Variants in IGSF5 observed in about 807,000 individuals in gnomAD.
IGSF5 encodes immunoglobulin superfamily 5 like.
Under a neutral mutation model 39.4 loss-of-function variants are expected in IGSF5, and 41 were observed. The ratio of observed to expected loss-of-function variants is 1.04; its 90% CI spans 0.81 to 1.35. IGSF5 has a LOEUF of 1.35. IGSF5 is among the 40% of genes most tolerant of loss of function. The pLI is 0.00. For synonymous variants in IGSF5, 183 were observed against 175.3 expected, an observed-to-expected ratio of 1.04 and a Z score of -0.34; for missense variants, 487 against 494.6, an observed-to-expected ratio of 0.98 and a Z score of 0.15.
chr21:39,746,301 G>C lies in IGSF5; in HGVS notation c.100+3G>C. ...GTGGCAAACAGCAGTGGTGGACGGT[G>C]AGTGAAAGCTCAGCTCGAGCCGTAA... On this transcript the variant is annotated splice_donor_region_variant and intron_variant, in intron 2 of 8. Coordinates refer to ENST00000380588, the MANE Select transcript of IGSF5 (RefSeq NM_001080444.2). 1 of 700,826 alleles carries C rather than the reference G, an allele frequency of 1.4e-6. No individual in the cohort carries two copies. The highest frequency in any genetic ancestry group is 2.6e-6 in the Non-Finnish European group (1 of 384,722). 43.4% of individuals were successfully genotyped at this position (700,826 alleles called of 1,614,324 possible).
At chr21:39,784,235 G>T (rs550516002) in intron 5 of IGSF5, among the ~76,000 whole-genome samples, 1 of 152,294 alleles carries the variant, frequency 6.6e-6, no homozygotes, top group South Asian at 2.1e-4. Flanking sequence ...GGATTTTAAA[G>T]GAAAACCACT....
At chr21:39,795,311 G>A (rs928983218) in intron 8 of IGSF5, among the ~76,000 whole-genome samples, 2 of 152,072 alleles carry the variant, frequency 1.3e-5, no homozygotes, top group African/African-American at 4.8e-5. Context: ...AGTGATTGTT[G>A]GGCTGTGGGG....
At chr21:39,793,396 A>T (rs534902354) in intron 7 of IGSF5, 138 bp from the exon 8 acceptor site, 79 of 585,856 alleles carry the variant, frequency 1.3e-4, no homozygotes, top group African/African-American at 7.0e-4. Flanking sequence ...AAGGGAATTT[A>T]AAAAAAGTGT....
intron 3 of IGSF5, among the ~76,000 whole-genome samples, chr21:39,768,055 A>C (rs1158326640): frequency 6.6e-6 from 1 of 152,238 alleles, no homozygotes; most frequent in African/African-American, 2.4e-5. Context: ...AATTTGTCTG[A>C]ATCCCGCTGA....
chr21:39,774,171 G>A (rs1272231210), intron 4 of IGSF5, among the ~76,000 whole-genome samples: 1 of 152,204 alleles, frequency 6.6e-6, no homozygotes, highest in African/African-American at 2.4e-5. Context: ...CTGGTGGCTG[G>A]CTGCATGTTG....
intron 6 of IGSF5, among the ~76,000 whole-genome samples, 156 bp downstream of exon 6, chr21:39,788,344 GCCGATCACAAACT>G (rs2086936868): frequency 6.6e-6 from 1 of 152,324 alleles, no homozygotes; most frequent in Non-Finnish European, 1.5e-5. Flanking sequence ...AAACACGTAT[GCCGATCACAAACT>G]CATAGGGCAA....
At chr21:39,767,087 G>T (rs898489896) in intron 3 of IGSF5, among the ~76,000 whole-genome samples, 1 of 152,110 alleles carries the variant, frequency 6.6e-6, no homozygotes, top group African/African-American at 2.4e-5. Flanking sequence ...ATTTTATAAG[G>T]CTATTTAGGA....
intron 2 of IGSF5, among the ~76,000 whole-genome samples, chr21:39,757,584 T>TA (rs1383392114): frequency 6.6e-6 from 1 of 151,408 alleles, no homozygotes; most frequent in Non-Finnish European, 1.5e-5. Flanking sequence ...GCATTCTTTT[T>TA]TTTTTTTTTT....
chr21:39,740,401 A>G (rs369241392), upstream of IGSF5, among the ~76,000 whole-genome samples: 15 of 152,350 alleles, frequency 9.8e-5, 1 homozygote, highest in African/African-American at 3.6e-4. Context: ...GTGTTCCCTC[A>G]GAAGTTAGGA....
chr21:39,739,238 CT>C, the IGSF5 span, among the ~76,000 whole-genome samples: 1 of 149,634 alleles, frequency 6.7e-6, no homozygotes, highest in Non-Finnish European at 1.5e-5. Context: ...CCCTCTTTTT[CT>C]TTTTTTCTTC....
In IGSF5 at chr21:39,763,843, C is replaced by T. The variant is rs566229263; in HGVS notation, c.101-1692C>T. ...TTCAGAGTTCATGGAAAGGGCATTG[C>T]GGCTTCCCTGGGGGAACTGTTTTCA... On this transcript the variant is annotated intron_variant, in intron 2 of 8. Transcript: ENST00000380588. Among the ~76,000 whole-genome samples, 4 of 152,260 alleles carry T rather than the reference C, an allele frequency of 2.6e-5. No homozygotes were observed. The South Asian group carries it at 6.2e-4, about 24-fold the overall frequency.
chr21:39,760,853 A>G (rs1481969811), intron 2 of IGSF5, among the ~76,000 whole-genome samples: 5 of 152,194 alleles, frequency 3.3e-5, no homozygotes, highest in Admixed American at 6.5e-5. Context: ...TACAGGCATG[A>G]GCCACCTTAC....
chr21:39,786,990 G>A (rs938748980), intron 5 of IGSF5, among the ~76,000 whole-genome samples: 1 of 152,140 alleles, frequency 6.6e-6, no homozygotes, highest in African/African-American at 2.4e-5. Flanking sequence ...GATAGCACTG[G>A]GAGATATACC....
At chr21:39,772,470 G>A (rs1221787502) in intron 4 of IGSF5, among the ~76,000 whole-genome samples, 1 of 152,192 alleles carries the variant, frequency 6.6e-6, no homozygotes, top group Non-Finnish European at 1.5e-5. Context: ...CAGTCCTGGA[G>A]GTTGGAAGTG....
At chr21:39,755,026 G>T (rs1287611049) in intron 2 of IGSF5, among the ~76,000 whole-genome samples, 1 of 152,184 alleles carries the variant, frequency 6.6e-6, no homozygotes, top group Non-Finnish European at 1.5e-5. Context: ...GGTGTTGGCA[G>T]AATGGAGTGT....
the IGSF5 span, among the ~76,000 whole-genome samples, chr21:39,720,551 C>T: frequency 6.6e-6 from 1 of 152,130 alleles, no homozygotes; most frequent in Non-Finnish European, 1.5e-5. Context: ...GGAAACTTGA[C>T]CAGTACTGCT....
the IGSF5 span, among the ~76,000 whole-genome samples, chr21:39,722,950 A>G: frequency 6.6e-6 from 1 of 152,242 alleles, no homozygotes; most frequent in African/African-American, 2.4e-5. Flanking sequence ...AAGCTATGTG[A>G]GGTAGATAGT....
At chr21:39,716,394 G>A in the IGSF5 span, among the ~76,000 whole-genome samples, 3 of 151,576 alleles carry the variant, frequency 2.0e-5, no homozygotes, top group Non-Finnish European at 4.4e-5. Flanking sequence ...GGTTTTTTAC[G>A]TAGATAAACA....
chr21:39,737,276 G>C, the IGSF5 span, among the ~76,000 whole-genome samples: 6 of 151,998 alleles, frequency 3.9e-5, no homozygotes, highest in Admixed American at 3.9e-4. Flanking sequence ...GTGGGGTTGG[G>C]GTTCTCCAAC....
Sources: gnomAD v4.1 joint callset for allele counts (sites outside exome capture counted in the v4.1 genomes callset) on GRCh38, gnomAD v4.1.1 for gene constraint, MANE v1.5 for transcripts, NCBI Gene and HGNC (gene_info 2026-07-23, HGNC 2026-07-21) for gene names.